The following SAMD12 variants were observed in gnomAD, a reference collection of about 807,000 sequenced individuals.
SAMD12 encodes sterile alpha motif domain-containing protein 12.
In SAMD12, 9 loss-of-function variants were observed where a neutral mutation model predicts 15.0. That is an observed-to-expected ratio of 0.60 (90% CI 0.36 to 1.05). SAMD12 has a LOEUF of 1.05. Among genes scored for constraint, SAMD12 ranks in the 50% least tolerant of loss-of-function variants. SAMD12 has a pLI of 0.01. For synonymous variants in SAMD12, 86 were observed against 90.1 expected (o/e 0.96, Z 0.25); for missense variants, 230 against 234.2 (o/e 0.98, Z 0.12).
At chr8:118,189,890 A>G (rs1819312142) in exon 5 of SAMD12, 1 of 151,300 alleles carries the variant, frequency 6.6e-6, no homozygotes, top group Non-Finnish European at 1.5e-5. Context: ...TTTACCACAT[A>G]ACTTGATTGC....
At chr8:118,550,711 C>T (rs1334436012) in intron 2 of SAMD12, among the ~76,000 whole-genome samples, 1 of 151,452 alleles carries the variant, frequency 6.6e-6, no homozygotes, top group East Asian at 1.9e-4. Context: ...ACTAAATGCT[C>T]CAATTAAAAG....
intron 3 of SAMD12, among the ~76,000 whole-genome samples, chr8:118,434,036 G>A (rs1294416708): frequency 3.3e-5 from 5 of 152,188 alleles, no homozygotes; most frequent in African/African-American, 4.8e-5. Context: ...GGATAGAGGA[G>A]TAGAACAGCC....
At chr8:118,185,709 A>T (rs1272905087), downstream of SAMD12, among the ~76,000 whole-genome samples, 1 of 152,200 alleles carries the variant, frequency 6.6e-6, no homozygotes, top group Non-Finnish European at 1.5e-5. Flanking sequence ...GAGAGATATG[A>T]GCCTTGTCCA....
the SAMD12 span, among the ~76,000 whole-genome samples, chr8:118,142,186 C>T: frequency 6.6e-6 from 1 of 152,132 alleles, no homozygotes. Flanking sequence ...CTCTTGTTTC[C>T]AGTGCCAAAA....
At chr8:118,348,453 C>T (rs1169191806) in intron 4 of SAMD12, among the ~76,000 whole-genome samples, 1 of 151,782 alleles carries the variant, frequency 6.6e-6, no homozygotes, top group African/African-American at 2.4e-5. Context: ...TCACCGCAAG[C>T]TCCGCCCCCC....
At chr8:118,518,804 T>A (rs1825314411) in intron 2 of SAMD12, among the ~76,000 whole-genome samples, 1 of 152,180 alleles carries the variant, frequency 6.6e-6, no homozygotes, top group Non-Finnish European at 1.5e-5. Context: ...TTCTGAGATA[T>A]CCAAACTAAG....
intron 2 of SAMD12, among the ~76,000 whole-genome samples, chr8:118,561,833 C>A (rs995343255): frequency 1.3e-5 from 2 of 152,178 alleles, no homozygotes; most frequent in African/African-American, 4.8e-5. Context: ...TAAATTACAA[C>A]TCTCAACCTG....
At chr8:118,174,481 T>G in the SAMD12 span, among the ~76,000 whole-genome samples, 5 of 152,220 alleles carry the variant, frequency 3.3e-5, no homozygotes, top group African/African-American at 1.2e-4. Context: ...TTCATTCACC[T>G]ATTTAATAAC....
intron 2 of SAMD12, among the ~76,000 whole-genome samples, chr8:118,552,005 T>C: frequency 6.6e-6 from 1 of 150,956 alleles, no homozygotes. Flanking sequence ...AATAGACCAA[T>C]AACAGGAGCT....
At chr8:118,381,471 G>C (rs758459453) in intron 3 of SAMD12, among the ~76,000 whole-genome samples, 1 of 152,184 alleles carries the variant, frequency 6.6e-6, no homozygotes, top group African/African-American at 2.4e-5. Flanking sequence ...TGACAAAAGG[G>C]ACTTTGCAAA....
At chr8:118,159,317 C>A in the SAMD12 span, among the ~76,000 whole-genome samples, 2 of 152,198 alleles carry the variant, frequency 1.3e-5, no homozygotes, top group Non-Finnish European at 2.9e-5. Flanking sequence ...AGAGAGCTGG[C>A]ACCTGTGCCA....
rs1812230266 is a variant in SAMD12 at position 118,228,359 on chromosome 8, GAGA to G, written c.434-30630_434-30628del. 2.0e-5 allele frequency among the ~76,000 whole-genome samples: 3 copies of G among 152,138 alleles called. No individual in the cohort carries two copies. The South Asian group carries it at 6.2e-4, about 32-fold the overall frequency. On this transcript the variant is annotated intron_variant, in intron 4 of 4. Transcript: ENST00000409003. ...AGTCAACAGAAAACCCACAGAGTAG[GAGA>G]AGATCTTCACAATCTATACATCTGA...
chr8:118,600,672 G>C (rs1563605912), intron 1 of SAMD12, among the ~76,000 whole-genome samples: 1 of 152,130 alleles, frequency 6.6e-6, no homozygotes, highest in African/African-American at 2.4e-5. Context: ...TATACATGTA[G>C]TAAATATTAC....
intron 2 of SAMD12, among the ~76,000 whole-genome samples, chr8:118,498,691 A>T (rs551031395): frequency 6.6e-6 from 1 of 152,258 alleles, no homozygotes; most frequent in African/African-American, 2.4e-5. Flanking sequence ...AATAGAAATG[A>T]TTACAAAAAA....
intron 3 of SAMD12, among the ~76,000 whole-genome samples, chr8:118,429,823 G>A (rs1164616377): frequency 6.6e-6 from 1 of 152,160 alleles, no homozygotes; most frequent in Non-Finnish European, 1.5e-5. Flanking sequence ...GAACCTGGGA[G>A]GCGGAGGTTG....
intron 2 of SAMD12, among the ~76,000 whole-genome samples, chr8:118,485,741 T>C (rs1018857766): frequency 1.3e-5 from 2 of 152,218 alleles, no homozygotes; most frequent in Non-Finnish European, 2.9e-5. Flanking sequence ...AAGTAGTGTT[T>C]GAGGATAAAA....
At chr8:118,350,612 C>G (rs1160200338) in intron 4 of SAMD12, among the ~76,000 whole-genome samples, 1 of 152,202 alleles carries the variant, frequency 6.6e-6, no homozygotes, top group Non-Finnish European at 1.5e-5. Flanking sequence ...ATTTAAAGGT[C>G]TGTTTGACAA....
chr8:118,180,254 G>A, the SAMD12 span, among the ~76,000 whole-genome samples: 1 of 152,232 alleles, frequency 6.6e-6, no homozygotes, highest in African/African-American at 2.4e-5. Flanking sequence ...CGAGATGAGA[G>A]GCTGACCAGA....
chr8:118,621,724 T>A (rs1478969926), intron 1 of SAMD12, 80 bp downstream of exon 1: 4 of 1,528,054 alleles, frequency 2.6e-6, no homozygotes, highest in Non-Finnish European at 3.6e-6. Flanking sequence ...CTCCCCACGA[T>A]CGCCAAGCTT....
Sources: gnomAD v4.1 joint callset for allele counts (sites outside exome capture counted in the v4.1 genomes callset) on GRCh38, gnomAD v4.1.1 for gene constraint, MANE v1.5 for transcripts, NCBI Gene and HGNC (gene_info 2026-07-23, HGNC 2026-07-21) for gene names.